The following ACOT7 variants were observed in gnomAD, a reference collection of about 807,000 sequenced individuals.
ACOT7 encodes cytosolic acyl coenzyme A thioester hydrolase.
Under a neutral mutation model 40.2 loss-of-function variants are expected in ACOT7, and 12 were observed. That is an observed-to-expected ratio of 0.30 (90% CI 0.19 to 0.48). ACOT7 has a LOEUF of 0.48. Among genes scored for constraint, ACOT7 ranks in the 20% least tolerant of loss-of-function variants. The pLI is 0.99. For missense variants in ACOT7, 395 were observed against 530.8 expected (o/e 0.74, Z 2.51); for synonymous variants, 228 against 219.5 (o/e 1.04, Z -0.34).
chr1:6,377,886 T>C (rs1642263147), intron 1 of ACOT7, among the ~76,000 whole-genome samples: 1 of 151,990 alleles, frequency 6.6e-6, no homozygotes, highest in East Asian at 1.9e-4. Context: ...CTGGCTAAAA[T>C]GGTGAAACCC....
intron 1 of ACOT7, among the ~76,000 whole-genome samples, chr1:6,360,192 T>C (rs2148465707): frequency 6.6e-6 from 1 of 152,380 alleles, no homozygotes; most frequent in South Asian, 2.1e-4. Context: ...AGGCTGGTGC[T>C]GCCCCCGCCC....
At chr1:6,287,418 G>C (rs552392732) in intron 7 of ACOT7, among the ~76,000 whole-genome samples, 3 of 152,356 alleles carry the variant, frequency 2.0e-5, no homozygotes, top group Non-Finnish European at 2.9e-5. Context: ...CTTCCAAATG[G>C]GAAAAACAAA....
intron 5 of ACOT7, among the ~76,000 whole-genome samples, chr1:6,323,497 C>A (rs535605108): frequency 3.9e-5 from 6 of 152,026 alleles, no homozygotes; most frequent in Non-Finnish European, 8.8e-5. Context: ...GCGGGCGGAT[C>A]GCCTGAGGTC....
intron 2 of ACOT7, among the ~76,000 whole-genome samples, chr1:6,342,363 C>A (rs2148447772): frequency 6.6e-6 from 1 of 152,246 alleles, no homozygotes; most frequent in South Asian, 2.1e-4. Flanking sequence ...AGAATTTCAA[C>A]ACATGAGAGA....
intron 2 of ACOT7, among the ~76,000 whole-genome samples, chr1:6,349,504 G>A (rs1310073317): frequency 2.0e-5 from 3 of 152,256 alleles, no homozygotes; most frequent in Non-Finnish European, 4.4e-5. Context: ...GTGGTGGAGG[G>A]AGGGCCTGTC....
intron 8 of ACOT7, among the ~76,000 whole-genome samples, chr1:6,273,162 T>C (rs1639084722): frequency 6.6e-6 from 1 of 152,228 alleles, no homozygotes; most frequent in South Asian, 2.1e-4. Flanking sequence ...AGGGCCAGTG[T>C]GTGGCTGTCT....
chr1:6,350,733 G>A (rs1243847652), intron 1 of ACOT7, among the ~76,000 whole-genome samples: 1 of 152,224 alleles, frequency 6.6e-6, no homozygotes, highest in Non-Finnish European at 1.5e-5. Context: ...AGCCTGCCCA[G>A]CCTTGCTGGA....
Position 6,294,442 on chromosome 1 carries a change from C to T in ACOT7, c.829+422G>A, listed in dbSNP as rs1338524976. ...CCTGGGTGGCGTGGGCAGGGCTGGCCGAGGAGGGGCTCCTGCGGGCTTTTC... is the reference window on the plus strand; with the variant it reads ...CCTGGGTGGCGTGGGCAGGGCTGGCTGAGGAGGGGCTCCTGCGGGCTTTTC... On this transcript the variant is annotated intron_variant, in intron 7 of 8. Transcript: ENST00000361521. This position sits in a 1 kb window ranked among gnomAD's most constrained non-coding sequence, Gnocchi z 4.6. Among the ~76,000 whole-genome samples the T allele has an allele frequency of 4.6e-5, 7 of 152,180 alleles. No individual in the cohort carries two copies. Among genetic ancestry groups the T allele is most frequent in the Admixed American group, 1.3e-4 (2 of 15,284 alleles).
chr1:6,363,720 A>G (rs1048248057), intron 1 of ACOT7, among the ~76,000 whole-genome samples: 2 of 149,818 alleles, frequency 1.3e-5, no homozygotes, highest in African/African-American at 5.0e-5. Flanking sequence ...CACACTCTTT[A>G]CCCCTCCCCT....
rs376896236 is a variant in ACOT7, at chr1:6,330,832, G to A, written c.510+2645C>T. 3.9e-5 allele frequency among the ~76,000 whole-genome samples: 6 copies of A among 152,266 alleles called. No homozygotes were observed. Among genetic ancestry groups the A allele is most frequent in the East Asian group, 3.9e-4 (2 of 5,178 alleles). Reference sequence around the variant, plus strand: ...GTGTTCAGGTCCAGGCCCGCCCCTCGGTATCACCCGCCTGAGATGCACCAT... The same window carrying A: ...GTGTTCAGGTCCAGGCCCGCCCCTCAGTATCACCCGCCTGAGATGCACCAT... On this transcript the variant is annotated intron_variant, in intron 4 of 8. Transcript: ENST00000361521. This position sits in a 1 kb window ranked among gnomAD's most constrained non-coding sequence, Gnocchi z 4.6.
At chr1:6,354,101 G>C (rs949784838) in intron 1 of ACOT7, among the ~76,000 whole-genome samples, 1 of 152,170 alleles carries the variant, frequency 6.6e-6, no homozygotes, top group African/African-American at 2.4e-5. Flanking sequence ...AGTGGCAGGT[G>C]CTGGGGCCCA....
chr1:6,366,793 C>A (rs928235441), intron 1 of ACOT7, among the ~76,000 whole-genome samples: 1 of 151,832 alleles, frequency 6.6e-6, no homozygotes, highest in Non-Finnish European at 1.5e-5. Context: ...GTAGCTGGGA[C>A]TACAGGTGTG....
chr1:6,308,480 G>C (rs1355871510), intron 6 of ACOT7, among the ~76,000 whole-genome samples: 1 of 151,770 alleles, frequency 6.6e-6, no homozygotes. Flanking sequence ...GCAACAGGCA[G>C]AGGGAACCAC....
At chr1:6,369,920 T>G (rs1467945125) in intron 1 of ACOT7, among the ~76,000 whole-genome samples, 1 of 152,188 alleles carries the variant, frequency 6.6e-6, no homozygotes, top group Non-Finnish European at 1.5e-5. Context: ...GATCCATAGG[T>G]TGCAGAATGG....
intron 1 of ACOT7, among the ~76,000 whole-genome samples, chr1:6,357,279 G>A (rs150106308): frequency 4.6e-4 from 70 of 152,234 alleles, no homozygotes; most frequent in African/African-American, 1.2e-3. Flanking sequence ...ACATTACTAC[G>A]TGAAACCCAG....
chr1:6,266,442 C>T (rs746875514), intron 8 of ACOT7, among the ~76,000 whole-genome samples: 4 of 152,238 alleles, frequency 2.6e-5, no homozygotes, highest in African/African-American at 4.8e-5. Flanking sequence ...CTTTTAAGTG[C>T]ATCTGAGTCA....
At chr1:6,360,856 A>G in intron 1 of ACOT7, 1 of 1,066,892 alleles carries the variant, frequency 9.4e-7, no homozygotes, top group Non-Finnish European at 1.3e-6. Flanking sequence ...GTGAGGACCT[A>G]CCAGGCTTCC....
At chr1:6,296,501 G>A (rs1479682632) in intron 6 of ACOT7, among the ~76,000 whole-genome samples, 2 of 151,380 alleles carry the variant, frequency 1.3e-5, no homozygotes, top group Middle Eastern at 3.4e-3. Context: ...TCCGCTCACC[G>A]CAACCTCTGC....
rs1251784034 is a variant in ACOT7 at position 6,282,952 on chromosome 1, C to T, written c.830-1666G>A. ...CATCTCTGCCTCCTTCCTCACAATG[C>T]CCAGCCCACATCCCTCACCAACAAT... On this transcript the variant is annotated intron_variant, in intron 7 of 8. Coordinates refer to ENST00000361521, the MANE Select transcript of ACOT7 (RefSeq NM_007274.4). This position sits in a 1 kb window ranked among gnomAD's most constrained non-coding sequence, Gnocchi z 4.5. 21 of 481,272 alleles carry T rather than the reference C, an allele frequency of 4.4e-5. No homozygotes were observed. Among genetic ancestry groups the T allele is most frequent in the South Asian group, 3.2e-4 (21 of 64,700 alleles). 29.8% of individuals were successfully genotyped at this position (481,272 alleles called of 1,614,324 possible).
Sources: allele counts gnomAD v4.1 joint callset (sites outside exome capture counted in the v4.1 genomes callset), GRCh38; gene constraint gnomAD v4.1.1; non-coding constraint Gnocchi (gnomAD v3.1); transcripts MANE v1.5; gene names NCBI Gene and HGNC (gene_info 2026-07-23, HGNC 2026-07-21).